FAM169A: variants seen among roughly 807,000 people sequenced by gnomAD.
The protein encoded by FAM169A is soluble lamin-associated protein of 75 kDa.
Under a neutral mutation model 75.7 loss-of-function variants are expected in FAM169A, and 24 were observed. The observed-to-expected ratio is 0.32, with a 90% confidence interval of 0.23 to 0.45. The LOEUF (loss-of-function observed/expected upper bound fraction) is 0.45, where lower values mean the gene tolerates loss of function less well. Ranked by LOEUF, FAM169A falls within the 20% of genes least tolerant of loss-of-function variation. The probability of loss-of-function intolerance (pLI) is 1.00; values close to 1 mark genes in which losing one functional copy is unlikely to be tolerated. For missense variants in FAM169A, 673 were observed against 784.0 expected (o/e 0.86, Z 1.69); for synonymous variants, 271 against 271.0 (o/e 1.00, Z 0.00).
chr5:74,823,153 C>A (rs934463769), intron 5 of FAM169A, among the ~76,000 whole-genome samples: 1 of 152,138 alleles, frequency 6.6e-6, no homozygotes, highest in African/African-American at 2.4e-5. Context: ...AGCTTCCTGG[C>A]CAATAAAATG....
chr5:74,795,174 C>T (rs941330811), intron 11 of FAM169A, among the ~76,000 whole-genome samples: 1 of 152,078 alleles, frequency 6.6e-6, no homozygotes, highest in Non-Finnish European at 1.5e-5. Flanking sequence ...AGGAGAATCA[C>T]TTGAACCCAG....
intron 5 of FAM169A, among the ~76,000 whole-genome samples, chr5:74,826,712 T>TCACCCTAATGTTAA (rs1374060733): frequency 6.6e-6 from 1 of 152,174 alleles, no homozygotes; most frequent in Non-Finnish European, 1.5e-5. Flanking sequence ...CATATACCCT[T>TCACCCTAATGTTAA]CACCCTAATG....
intron 1 of FAM169A, among the ~76,000 whole-genome samples, chr5:74,849,733 A>C (rs1450101400): frequency 1.3e-5 from 2 of 151,832 alleles, no homozygotes; most frequent in Non-Finnish European, 2.9e-5. Flanking sequence ...TAATCCCTTT[A>C]CCTTACTTTT....
At chr5:74,853,847 A>G (rs1285039263) in intron 1 of FAM169A, among the ~76,000 whole-genome samples, 1 of 151,426 alleles carries the variant, frequency 6.6e-6, no homozygotes, top group African/African-American at 2.4e-5. Context: ...AGCTAGGACT[A>G]CAGGCACCTG....
rs925429530 is a variant in FAM169A, at chr5:74,779,205, G to A, written c.*2255C>T. 1 of 152,078 alleles carries A rather than the reference G, an allele frequency of 6.6e-6. No individual in the cohort carries two copies. The highest frequency in any genetic ancestry group is 2.4e-5 in the African/African-American group (1 of 41,416). The allele number at this position is 152,078 out of a possible 1,614,324, so 9.4% of individuals were successfully genotyped here. On this transcript the variant is annotated 3_prime_UTR_variant, in exon 13 of 13. Coordinates refer to ENST00000687041, the MANE Select transcript of FAM169A (RefSeq NM_001376049.1). Reference sequence around the variant, plus strand: ...CTGTTAGCCCCCAATGGTCATATATGATTAATAAACATTTTTTGTAAACTC... The same window carrying A: ...CTGTTAGCCCCCAATGGTCATATATAATTAATAAACATTTTTTGTAAACTC...
intron 5 of FAM169A, among the ~76,000 whole-genome samples, chr5:74,833,361 T>C (rs2112646758): frequency 6.6e-6 from 1 of 152,328 alleles, no homozygotes; most frequent in South Asian, 2.1e-4. Flanking sequence ...GTATAATCAG[T>C]ATTTTTCTGA....
intron 10 of FAM169A, chr5:74,799,146 C>A: frequency 9.7e-7 from 1 of 1,027,298 alleles, no homozygotes; most frequent in Non-Finnish European, 1.6e-6. Context: ...TCAAGGAGCA[C>A]AATGGACACA....
intron 2 of FAM169A, among the ~76,000 whole-genome samples, chr5:74,841,185 T>C (rs1470942880): frequency 6.6e-6 from 1 of 152,212 alleles, no homozygotes; most frequent in African/African-American, 2.4e-5. Flanking sequence ...AAAAGATTCA[T>C]GGCACAAAAA....
chr5:74,813,945 A>G lies in FAM169A; in HGVS notation c.565T>C (p.Tyr189His). Residue 189 changes from tyrosine to histidine, a missense_variant, in exon 6 of 13, where the codon TAC becomes CAC. This residue lies in a region of FAM169A where 107 missense variants were observed against 180.8 expected (regional missense o/e 0.59). Coordinates refer to ENST00000687041, the MANE Select transcript of FAM169A (RefSeq NM_001376049.1). ...TGAAGCCCAAAATCTTTACCTCTGTATTTCTTTCTTAGAAACATTGTATCA... is the reference window on the plus strand; with the variant it reads ...TGAAGCCCAAAATCTTTACCTCTGTGTTTCTTTCTTAGAAACATTGTATCA... Reference protein sequence around the residue: ...VLDTMFLRKKYRGKDFGLHML... With the variant: ...VLDTMFLRKKHRGKDFGLHML... 6.2e-7 allele frequency: 1 copy of G among 1,608,038 alleles called. No individual in the cohort carries two copies. The highest frequency in any genetic ancestry group is 1.1e-5 in the South Asian group (1 of 89,546).
chr5:74,838,914 C>T lies in FAM169A; in HGVS notation c.318+51G>A, dbSNP rs748192308. On this transcript the variant is annotated intron_variant, in intron 4 of 12. Coordinates refer to ENST00000687041, the MANE Select transcript of FAM169A (RefSeq NM_001376049.1). ...AAAAACTATCACTGTTTACAGGAAA[C>T]ACTGTGAAATGGCCTCAAAAGAAAC... The T allele has an allele frequency of 3.2e-6, 4 of 1,235,474 alleles. No homozygotes were observed. In the Admixed American group the frequency reaches 6.7e-5, roughly 21 times the overall value. 76.5% of individuals were successfully genotyped at this position (1,235,474 alleles called of 1,614,324 possible). A position where few individuals can be genotyped will look rare whatever the true frequency, so the allele number is the denominator to read the frequency against.
intron 2 of FAM169A, among the ~76,000 whole-genome samples, chr5:74,841,296 C>G (rs1748849772): frequency 6.6e-6 from 1 of 152,034 alleles, no homozygotes; most frequent in Admixed American, 6.6e-5. Context: ...ATATAGTAAA[C>G]AGTCTTAGCA....
intron 1 of FAM169A, among the ~76,000 whole-genome samples, chr5:74,863,166 C>T (rs937421645): frequency 2.6e-5 from 4 of 152,090 alleles, no homozygotes; most frequent in Non-Finnish European, 5.9e-5. Flanking sequence ...TCTAAAACTC[C>T]ATGAGTCTAA....
At chr5:74,806,482 T>TG (rs893518568) in intron 6 of FAM169A, among the ~76,000 whole-genome samples, 4 of 127,900 alleles carry the variant, frequency 3.1e-5, no homozygotes, top group African/African-American at 1.3e-4. Context: ...AGGGTTCAGA[T>TG]GGATTCCTTA....
At chr5:74,807,238 TGAACACTTACAGTTCA>T (rs1205878536) in intron 6 of FAM169A, among the ~76,000 whole-genome samples, 1 of 152,208 alleles carries the variant, frequency 6.6e-6, no homozygotes, top group African/African-American at 2.4e-5. Flanking sequence ...AAATGTGTTC[TGAACACTTACAGTTCA>T]GAACACAGCC....
At chr5:74,830,026 C>T (rs938031240) in intron 5 of FAM169A, among the ~76,000 whole-genome samples, 4 of 152,062 alleles carry the variant, frequency 2.6e-5, no homozygotes, top group Non-Finnish European at 5.9e-5. Flanking sequence ...ATGATTTATT[C>T]CCTAAGGTGG....
At chr5:74,793,615 C>T (rs990151096) in intron 11 of FAM169A, among the ~76,000 whole-genome samples, 10 of 152,058 alleles carry the variant, frequency 6.6e-5, no homozygotes, top group African/African-American at 2.4e-4. Flanking sequence ...GTATACACTG[C>T]TTGGATGATG....
chr5:74,813,013 G>A (rs1268579221), intron 6 of FAM169A, among the ~76,000 whole-genome samples: 3 of 152,098 alleles, frequency 2.0e-5, no homozygotes, highest in East Asian at 1.9e-4. Flanking sequence ...ACTAATTTAC[G>A]TACAACAAGA....
Position 74,849,573 on chromosome 5 carries a change from T to G in FAM169A, c.-3-7894A>C, listed in dbSNP as rs142949651. On this transcript the variant is annotated intron_variant, in intron 1 of 12. Transcript: ENST00000687041. ...ACAATGGTCTCTCCAACACCGAGAATAGGTTAGGTATCCAGGCAACATAAT... is the reference window on the plus strand; with the variant it reads ...ACAATGGTCTCTCCAACACCGAGAAGAGGTTAGGTATCCAGGCAACATAAT... 3.6e-3 allele frequency among the ~76,000 whole-genome samples: 548 copies of G among 152,270 alleles called. 6 individuals carry two copies. The highest frequency in any genetic ancestry group is 0.013 in the African/African-American group (526 of 41,548).
chr5:74,852,593 G>A (rs1185493317), intron 1 of FAM169A, among the ~76,000 whole-genome samples: 1 of 152,098 alleles, frequency 6.6e-6, no homozygotes, highest in Non-Finnish European at 1.5e-5. Context: ...CCTTTCAAGA[G>A]GCAGATAGTG....
Sources: allele counts gnomAD v4.1 joint callset (sites outside exome capture counted in the v4.1 genomes callset), GRCh38; gene constraint gnomAD v4.1.1; regional missense constraint gnomAD v4.1.1; transcripts MANE v1.5; gene names NCBI Gene and HGNC (gene_info 2026-07-23, HGNC 2026-07-21).